The following PDE6C variants were observed in gnomAD, a reference collection of about 807,000 sequenced individuals.
PDE6C encodes the protein phosphodiesterase 6C, also known as cone cGMP-specific 3',5'-cyclic phosphodiesterase subunit alpha'.
PDE6C carries 75 observed loss-of-function variants against 113.1 expected under a neutral mutation model. The observed-to-expected ratio is 0.66, with a 90% CI of 0.55 to 0.80. The LOEUF is 0.80. PDE6C is among the 30% of genes least tolerant of loss of function. The pLI is 0.00. For missense variants in PDE6C, 912 were observed against 1,038.6 expected (o/e 0.88, Z 1.67); for synonymous variants, 375 against 363.7 (o/e 1.03, Z -0.35).
intron 1 of PDE6C, among the ~76,000 whole-genome samples, chr10:93,614,108 C>T (rs1182554367): frequency 6.6e-6 from 1 of 152,186 alleles, no homozygotes; most frequent in African/African-American, 2.4e-5. Flanking sequence ...CTTCTCTACA[C>T]ATGTGGTCCA....
chr10:93,617,516 G>A (rs2058425566), intron 1 of PDE6C, among the ~76,000 whole-genome samples: 1 of 152,168 alleles, frequency 6.6e-6, no homozygotes, highest in East Asian at 1.9e-4. Context: ...GCTTACACCT[G>A]TAATCTCAGC....
chr10:93,614,362 C>T (rs906041233), intron 1 of PDE6C, among the ~76,000 whole-genome samples: 3 of 152,182 alleles, frequency 2.0e-5, no homozygotes, highest in Non-Finnish European at 4.4e-5. Context: ...CGCTCAGGTG[C>T]AAGGGTTACC....
intron 1 of PDE6C, 100 bp from the exon 2 acceptor site, chr10:93,620,532 T>G (rs1003246469): frequency 8.2e-7 from 1 of 1,223,380 alleles, no homozygotes; most frequent in East Asian, 2.3e-5. Flanking sequence ...GGTTATCTGT[T>G]GGTAGCATTT....
intron 18 of PDE6C, 69 bp downstream of exon 18, chr10:93,659,236 C>A: frequency 9.3e-7 from 1 of 1,074,028 alleles, no homozygotes; most frequent in Non-Finnish European, 1.4e-6. Context: ...TAAATGTCCA[C>A]CTAAAGATCT....
intron 15 of PDE6C, among the ~76,000 whole-genome samples, chr10:93,654,792 T>TTGAAACAGGGTC (rs1554891578): frequency 9.5e-6 from 1 of 105,156 alleles, no homozygotes. Flanking sequence ...CTTTCTTTCT[T>TTGAAACAGGGTC]TCTTTCTTTC....
At chr10:93,642,700 C>T (rs1164482846) in intron 14 of PDE6C, among the ~76,000 whole-genome samples, 1 of 152,140 alleles carries the variant, frequency 6.6e-6, no homozygotes, top group Non-Finnish European at 1.5e-5. Context: ...AAAGTGTTGA[C>T]CTCTCAAAGA....
At chr10:93,620,553 G>A (rs2058440395) in intron 1 of PDE6C, 79 bp from the exon 2 acceptor site, 1 of 1,417,992 alleles carries the variant, frequency 7.1e-7, no homozygotes, top group Non-Finnish European at 1.0e-6. Context: ...AAATGAGAGA[G>A]AATGATCTGT....
chr10:93,646,083 A>G, intron 15 of PDE6C, 36 bp downstream of exon 15: 1 of 1,209,778 alleles, frequency 8.3e-7, no homozygotes, highest in South Asian at 1.2e-5. Context: ...CTAAACACAA[A>G]TTCTGGATCA....
At chr10:93,637,504 A>G (rs552094982) in intron 11 of PDE6C, among the ~76,000 whole-genome samples, 40 of 152,258 alleles carry the variant, frequency 2.6e-4, no homozygotes, top group African/African-American at 9.1e-4. Context: ...TGTTGTTGCC[A>G]GTAGGCCATC....
At chr10:93,651,976 TAAAC>T (rs1301976196) in intron 15 of PDE6C, among the ~76,000 whole-genome samples, 3 of 152,148 alleles carry the variant, frequency 2.0e-5, no homozygotes, top group Non-Finnish European at 2.9e-5. Context: ...GTTTACTTAC[TAAAC>T]AAACAAAAAA....
At chr10:93,621,508 G>A (rs563458102) in intron 3 of PDE6C, among the ~76,000 whole-genome samples, 22 of 152,220 alleles carry the variant, frequency 1.4e-4, no homozygotes, top group South Asian at 2.1e-4. Flanking sequence ...GTCCCTTCCC[G>A]TTTGAACTCT....
chr10:93,638,802 G>C (rs1486730652), intron 11 of PDE6C, among the ~76,000 whole-genome samples: 1 of 152,192 alleles, frequency 6.6e-6, no homozygotes, highest in East Asian at 1.9e-4. Flanking sequence ...TACCTCCAGG[G>C]AAGGCTCAGC....
At chr10:93,642,738 T>A (rs567022093) in intron 14 of PDE6C, among the ~76,000 whole-genome samples, 1 of 152,352 alleles carries the variant, frequency 6.6e-6, no homozygotes, top group Non-Finnish European at 1.5e-5. Flanking sequence ...TGAAATTACA[T>A]ATGTGAAACC....
intron 21 of PDE6C, among the ~76,000 whole-genome samples, chr10:93,664,802 A>G (rs752676628): frequency 2.0e-5 from 3 of 152,194 alleles, no homozygotes; most frequent in Non-Finnish European, 4.4e-5. Flanking sequence ...TCCAGACTGC[A>G]TTGTCTCAGT....
At position 93,646,111 on chromosome 10, in the gene PDE6C, A is replaced by G. The variant is rs1018860127; in HGVS notation, c.1935+64A>G. On this transcript the variant is annotated intron_variant, in intron 15 of 21. Coordinates refer to ENST00000371447, the MANE Select transcript of PDE6C (RefSeq NM_006204.4). The stretch of plus-strand genomic sequence containing the variant: ...CTGGATCAAAGCACTAACCCACAGA[A>G]AATGCTTGGAAAAAGGGTGGCCTTG... 41 of 949,216 alleles carry G rather than the reference A, an allele frequency of 4.3e-5. 1 individual carries two copies. In the South Asian group the frequency reaches 5.0e-4, roughly 11 times the overall value. The allele number at this position is 949,216 out of a possible 1,614,324, so 58.8% of individuals were successfully genotyped here.
chr10:93,637,468 T>C (rs996109111), intron 11 of PDE6C, among the ~76,000 whole-genome samples: 5 of 152,206 alleles, frequency 3.3e-5, no homozygotes, highest in African/African-American at 7.2e-5. Flanking sequence ...GCTTCTCTTC[T>C]GGAGTCTGAA....
rs144995380 is a variant in PDE6C at position 93,658,206 on chromosome 10, A to AAAAG, written c.2037-675_2037-672dup. 9.7e-4 allele frequency among the ~76,000 whole-genome samples: 135 copies of AAAAG among 138,882 alleles called. 1 individual carries two copies. Among genetic ancestry groups the AAAAG allele is most frequent in the Non-Finnish European group, 1.4e-3 (91 of 65,396 alleles). 91.1% of individuals were successfully genotyped at this position (138,882 alleles called of 152,430 possible). ...AAAAAAAAAAAAGAAAAAGAAAAAG[A>AAAAG]AAAGAAAGAAAGAAAGAAAGAAAAA... On this transcript the variant is annotated intron_variant, in intron 16 of 21. Transcript: ENST00000371447.
chr10:93,636,368 TTGTGTGTGTG>T (rs56143950), intron 10 of PDE6C, among the ~76,000 whole-genome samples: 16 of 141,256 alleles, frequency 1.1e-4, no homozygotes, highest in Admixed American at 5.0e-4. Flanking sequence ...TTCCCTGGCT[TTGTGTGTGTG>T]TGTGTGTGTG....
intron 16 of PDE6C, among the ~76,000 whole-genome samples, chr10:93,657,328 A>ATTTTTTTTTTTTTTTTTTT (rs71031526): frequency 1.1e-5 from 1 of 88,286 alleles, no homozygotes; most frequent in Non-Finnish European, 2.0e-5. Flanking sequence ...CGCCTGGCTA[A>ATTTTTTTTTTTTTTTTTTT]TTTTTTTTTT....
Sources: gnomAD v4.1 joint callset for allele counts (sites outside exome capture counted in the v4.1 genomes callset) on GRCh38, gnomAD v4.1.1 for gene constraint, MANE v1.5 for transcripts, NCBI Gene and HGNC (gene_info 2026-07-23, HGNC 2026-07-21) for gene names.